The following ROPN1B variants were observed in gnomAD, a reference collection of about 807,000 sequenced individuals.
The protein encoded by ROPN1B is rhophilin associated tail protein 1B.
ROPN1B carries 13 observed loss-of-function variants against 23.7 expected under a neutral mutation model. The observed-to-expected ratio is 0.55, with a 90% confidence interval of 0.36 to 0.87. The LOEUF (loss-of-function observed/expected upper bound fraction) is 0.87, where lower values mean the gene tolerates loss of function less well. Ranked by LOEUF, ROPN1B falls within the 40% of genes least tolerant of loss-of-function variation. The pLI, the probability that ROPN1B is intolerant of heterozygous loss-of-function variation, is 0.01. For synonymous variants in ROPN1B, 67 were observed against 100.4 expected (o/e 0.67, Z 1.99); for missense variants, 183 against 249.2 (o/e 0.73, Z 1.79).
At chr3:125,982,962 G>A (rs1938659843) in intron 6 of ROPN1B, among the ~76,000 whole-genome samples, 2 of 152,112 alleles carry the variant, frequency 1.3e-5, no homozygotes, top group African/African-American at 4.8e-5. Context: ...TGGGCAATAT[G>A]GTGAAACCCC....
chr3:125,971,928 T>C lies in ROPN1B; in HGVS notation c.-12-115T>C, dbSNP rs575117499. The C allele has an allele frequency of 2.3e-5, 20 of 870,100 alleles. No homozygotes were observed. In the East Asian group the frequency reaches 4.8e-4, roughly 21 times the overall value. The allele number at this position is 870,100 out of a possible 1,614,324, so 53.9% of individuals were successfully genotyped here. A position where few individuals can be genotyped will look rare whatever the true frequency, so the allele number is the denominator to read the frequency against. Reference sequence around the variant, plus strand: ...TGTGTAACAATAGAATGCATTTGTCTTGCGGAGTCCCCAAAATTGAGTGTC... The same window carrying C: ...TGTGTAACAATAGAATGCATTTGTCCTGCGGAGTCCCCAAAATTGAGTGTC... On this transcript the variant is annotated intron_variant, in intron 2 of 6. Coordinates refer to ENST00000514116, the MANE Select transcript of ROPN1B (RefSeq NM_001308313.2).
intron 3 of ROPN1B, 50 bp downstream of exon 3, chr3:125,972,220 A>G (rs1305919392): frequency 1.3e-6 from 2 of 1,593,356 alleles, no homozygotes; most frequent in Non-Finnish European, 1.7e-6. Context: ...GCGGGGAGAG[A>G]GGGTCCTGTA....
chr3:125,983,262 C>CTGA lies in ROPN1B; in HGVS notation c.584_586dup (p.Asp195dup). On this transcript the variant is annotated inframe_insertion, in exon 7 of 7. Coordinates refer to ENST00000514116, the MANE Select transcript of ROPN1B (RefSeq NM_001308313.2). Reference sequence around the variant, plus strand: ...TACCTTTATCCAAACAGAATTGGTCCTGATGGTTTAATCACGGTGAATGAC... The same window carrying CTGA: ...TACCTTTATCCAAACAGAATTGGTCCTGATGATGGTTTAATCACGGTGAATGAC... The CTGA allele has an allele frequency of 6.2e-7, 1 of 1,612,556 alleles. No homozygotes were observed. Among genetic ancestry groups the CTGA allele is most frequent in the Non-Finnish European group, 8.5e-7 (1 of 1,178,714 alleles).
chr3:125,979,055 T>C (rs1938520285), intron 5 of ROPN1B, among the ~76,000 whole-genome samples: 1 of 152,156 alleles, frequency 6.6e-6, no homozygotes, highest in African/African-American at 2.4e-5. Context: ...ACCTCTGACA[T>C]CCTGTGATTC....
At chr3:125,979,673 G>A (rs531562428) in intron 5 of ROPN1B, among the ~76,000 whole-genome samples, 33 of 152,302 alleles carry the variant, frequency 2.2e-4, no homozygotes, top group African/African-American at 7.9e-4. Context: ...CCATCTGGTG[G>A]AGACCTTGCA....
intron 2 of ROPN1B, 95 bp from the exon 3 acceptor site, chr3:125,971,948 A>C (rs560889493): frequency 1.8e-6 from 2 of 1,135,518 alleles, no homozygotes; most frequent in East Asian, 2.5e-5. Flanking sequence ...CCCAAAATTG[A>C]GTGTCAAACA....
intron 5 of ROPN1B, among the ~76,000 whole-genome samples, chr3:125,980,424 T>C (rs1364990100): frequency 6.6e-6 from 1 of 152,228 alleles, no homozygotes; most frequent in Non-Finnish European, 1.5e-5. Context: ...ACAGAAGTTC[T>C]GGGAACAAGC....
At chr3:125,972,249 T>A in intron 3 of ROPN1B, 79 bp downstream of exon 3, 1 of 1,403,860 alleles carries the variant, frequency 7.1e-7, no homozygotes, top group South Asian at 1.2e-5. Flanking sequence ...GAGGTTGTCA[T>A]GGCTGCAGCC....
chr3:125,980,902 C>T (rs1309682904), intron 5 of ROPN1B, among the ~76,000 whole-genome samples: 1 of 152,140 alleles, frequency 6.6e-6, no homozygotes, highest in Non-Finnish European at 1.5e-5. Flanking sequence ...TTGTTAGCCC[C>T]ATGCCTGCCC....
intron 2 of ROPN1B, among the ~76,000 whole-genome samples, chr3:125,971,490 CAATT>C (rs1477515086): frequency 6.6e-6 from 1 of 152,172 alleles, no homozygotes; most frequent in Non-Finnish European, 1.5e-5. Context: ...TTCCGCCTGA[CAATT>C]AGAGTTGAAA....
At chr3:125,972,271 A>G in intron 3 of ROPN1B, 101 bp downstream of exon 3, 2 of 1,035,614 alleles carry the variant, frequency 1.9e-6, no homozygotes, top group Non-Finnish European at 2.9e-6. Context: ...GGGGGTCGGG[A>G]CTAACTGGCA....
At chr3:125,978,254 G>A (rs537941534) in intron 5 of ROPN1B, among the ~76,000 whole-genome samples, 8 of 146,388 alleles carry the variant, frequency 5.5e-5, no homozygotes, top group East Asian at 2.0e-4. Flanking sequence ...AATCACAAAC[G>A]GGAAGATAAA....
Position 125,983,377 on chromosome 3 carries a change from A to G in ROPN1B, c.*57A>G. 1 of 1,130,052 alleles carries G rather than the reference A, an allele frequency of 8.8e-7. No individual in the cohort carries two copies. Among genetic ancestry groups the G allele is most frequent in the Non-Finnish European group, 1.4e-6 (1 of 739,440 alleles). 70.0% of individuals were successfully genotyped at this position (1,130,052 alleles called of 1,614,324 possible). ...ACAGAGGTGATTGTACTTCAGAATG[A>G]TAAACCCATATACCACCTAAAATCA... On this transcript the variant is annotated 3_prime_UTR_variant, in exon 7 of 7. Transcript: ENST00000514116.
At chr3:125,980,056 A>G (rs953192622) in intron 5 of ROPN1B, among the ~76,000 whole-genome samples, 1 of 152,216 alleles carries the variant, frequency 6.6e-6, no homozygotes, top group Non-Finnish European at 1.5e-5. Context: ...TTAGCAAATT[A>G]TTCACATTTC....
At chr3:125,973,282 C>A (rs1256348270) in intron 3 of ROPN1B, 15 of 342,676 alleles carry the variant, frequency 4.4e-5, no homozygotes, top group South Asian at 3.1e-4. Context: ...CTAAGAGGGG[C>A]CTTTCGGAGT....
intron 3 of ROPN1B, chr3:125,972,470 C>T: frequency 6.1e-6 from 3 of 491,228 alleles, no homozygotes; most frequent in Admixed American, 7.1e-5. Flanking sequence ...CGTATGCACA[C>T]CCACCTCCTC....
chr3:125,982,270 A>G lies in ROPN1B; in HGVS notation c.397A>G (p.Thr133Ala). 1 of 1,601,924 alleles carries G rather than the reference A, an allele frequency of 6.2e-7. No individual in the cohort carries two copies. The highest frequency in any genetic ancestry group is 1.1e-5 in the South Asian group (1 of 87,884). ...TCCTCATTTTATGTAACTTTTATAG[A>G]CTATTACCAAAACTCTCAAGATAGT... Reference protein sequence around the residue: ...LALACSALGVTITKTLKIVCE... With the variant: ...LALACSALGVAITKTLKIVCE... Residue 133 changes from threonine to alanine, a missense_variant and splice_region_variant, in exon 6 of 7, where the codon ACT (threonine) becomes GCT (alanine). By Grantham distance (58) the Thr-to-Ala change is moderately conservative. Coordinates refer to ENST00000514116, the MANE Select transcript of ROPN1B (RefSeq NM_001308313.2).
intron 3 of ROPN1B, chr3:125,973,569 T>C (rs1938294023): frequency 6.2e-6 from 1 of 162,008 alleles, no homozygotes; most frequent in South Asian, 1.7e-4. Context: ...TGCCGTTTTA[T>C]AGTAAGCAAA....
At chr3:125,974,266 C>T (rs1014393511) in intron 3 of ROPN1B, among the ~76,000 whole-genome samples, 1 of 152,114 alleles carries the variant, frequency 6.6e-6, no homozygotes, top group Admixed American at 6.5e-5. Context: ...ACCCACACCC[C>T]GCCCACCCCA....
Sources: gnomAD v4.1 joint callset for allele counts (sites outside exome capture counted in the v4.1 genomes callset) on GRCh38, gnomAD v4.1.1 for gene constraint, MANE v1.5 for transcripts, NCBI Gene and HGNC (gene_info 2026-07-23, HGNC 2026-07-21) for gene names.